SEM1: variants seen among roughly 807,000 people sequenced by gnomAD.
SEM1 encodes SEM1 26S proteasome subunit, also known as 26S proteasome complex subunit SEM1.
In SEM1, 3 loss-of-function variants were observed where a neutral mutation model predicts 12.7. The observed-to-expected ratio is 0.24, with a 90% confidence interval of 0.11 to 0.61. The LOEUF (loss-of-function observed/expected upper bound fraction) is 0.61, where lower values mean the gene tolerates loss of function less well. Among genes scored for constraint, SEM1 ranks in the 20% least tolerant of loss-of-function variants. The pLI is 0.88. For missense variants in SEM1, 59 were observed against 81.3 expected (o/e 0.73, Z 1.06); for synonymous variants, 30 against 27.8 (o/e 1.08, Z -0.25).
chr7:96,523,984 T>C (rs1804366316), intron 2 of SEM1, among the ~76,000 whole-genome samples: 1 of 152,192 alleles, frequency 6.6e-6, no homozygotes, highest in African/African-American at 2.4e-5. Context: ...GTTCACAATA[T>C]GCTTCACCTC....
intron 2 of SEM1, chr7:96,486,140 C>T: frequency 1.0e-5 from 13 of 1,266,192 alleles, no homozygotes; most frequent in Non-Finnish European, 1.4e-5. Context: ...GTGTCAAAGA[C>T]TTAGAGAGTT....
intron 2 of SEM1, among the ~76,000 whole-genome samples, chr7:96,508,841 A>G (rs1803837337): frequency 6.6e-6 from 1 of 152,166 alleles, no homozygotes; most frequent in African/African-American, 2.4e-5. Context: ...AGCCACATGG[A>G]AAATCTGGGA....
chr7:96,617,276 TCTATTC>T (rs1203998459), intron 2 of SEM1, among the ~76,000 whole-genome samples: 2 of 152,170 alleles, frequency 1.3e-5, no homozygotes, highest in Non-Finnish European at 2.9e-5. Flanking sequence ...CCTGGTTAAA[TCTATTC>T]CTAGGTATTT....
At chr7:96,536,931 T>C (rs1295414479) in intron 2 of SEM1, among the ~76,000 whole-genome samples, 6 of 151,820 alleles carry the variant, frequency 4.0e-5, no homozygotes, top group Non-Finnish European at 8.9e-5. Context: ...TTGGTACAGT[T>C]GGATTAATAT....
At chr7:96,682,299 G>A (rs1789638734) in intron 2 of SEM1, among the ~76,000 whole-genome samples, 1 of 151,954 alleles carries the variant, frequency 6.6e-6, no homozygotes, top group South Asian at 2.1e-4. Context: ...AGACAATGGG[G>A]TTTTCTAAAT....
At chr7:96,660,677 T>C (rs997763117) in intron 2 of SEM1, among the ~76,000 whole-genome samples, 2 of 152,132 alleles carry the variant, frequency 1.3e-5, no homozygotes, top group African/African-American at 4.8e-5. Flanking sequence ...AGTTTAAATA[T>C]AGTCCCAAAG....
intron 2 of SEM1, among the ~76,000 whole-genome samples, chr7:96,524,913 T>A (rs1163525187): frequency 6.6e-6 from 1 of 152,134 alleles, no homozygotes; most frequent in East Asian, 1.9e-4. Flanking sequence ...GAATGAAATA[T>A]CAGTTTTTCC....
At chr7:96,542,230 T>C (rs1001311660) in intron 2 of SEM1, among the ~76,000 whole-genome samples, 1 of 151,916 alleles carries the variant, frequency 6.6e-6, no homozygotes, top group African/African-American at 2.4e-5. Context: ...TTCCAGTCTA[T>C]GAGCATGGAA....
chr7:96,653,676 T>G (rs1809076404), intron 2 of SEM1: 1 of 152,230 alleles, frequency 6.6e-6, no homozygotes, highest in African/African-American at 2.4e-5. Flanking sequence ...TTCTCATTTA[T>G]TCCTCCCAAT....
At chr7:96,586,306 T>A (rs1000901771) in intron 2 of SEM1, among the ~76,000 whole-genome samples, 2 of 152,192 alleles carry the variant, frequency 1.3e-5, no homozygotes, top group African/African-American at 4.8e-5. Flanking sequence ...GGATTCTTCC[T>A]GCCTGAGCTC....
intron 2 of SEM1, among the ~76,000 whole-genome samples, chr7:96,679,560 T>C (rs1167283695): frequency 1.4e-4 from 22 of 152,122 alleles, no homozygotes; most frequent in Admixed American, 1.4e-3. Flanking sequence ...CAAAAAGCTA[T>C]GAAGATTTTT....
At chr7:96,698,855 T>A (rs1200452143) in intron 1 of SEM1, among the ~76,000 whole-genome samples, 1 of 152,232 alleles carries the variant, frequency 6.6e-6, no homozygotes, top group South Asian at 2.1e-4. Flanking sequence ...TCTTCCACAA[T>A]GGTTGAACTA....
chr7:96,708,930 T>A (rs531261906), intron 1 of SEM1, among the ~76,000 whole-genome samples: 1 of 142,706 alleles, frequency 7.0e-6, no homozygotes, highest in South Asian at 2.2e-4. Context: ...AACCAGGTCT[T>A]TAGTTTTGAA....
chr7:96,622,760 C>T (rs956466497), intron 2 of SEM1: 1 of 664,378 alleles, frequency 1.5e-6, no homozygotes, highest in African/African-American at 1.8e-5. Context: ...CACTTAATAC[C>T]ACTGTGCTAG....
At chr7:96,686,549 A>G (rs1789764880), downstream of SEM1, among the ~76,000 whole-genome samples, 1 of 152,168 alleles carries the variant, frequency 6.6e-6, no homozygotes, top group Admixed American at 6.6e-5. Flanking sequence ...GCACATCAAA[A>G]TACTTCTTAG....
intron 2 of SEM1, among the ~76,000 whole-genome samples, chr7:96,575,746 T>C (rs921352701): frequency 5.9e-5 from 9 of 152,176 alleles, no homozygotes; most frequent in African/African-American, 2.2e-4. Flanking sequence ...TTTGACTTTT[T>C]AATAATAGCC....
chr7:96,586,728 G>A (rs1246787595), intron 2 of SEM1, among the ~76,000 whole-genome samples: 3 of 152,132 alleles, frequency 2.0e-5, no homozygotes, highest in African/African-American at 7.2e-5. Flanking sequence ...AGAATGTTAT[G>A]TGTTTTACAG....
At chr7:96,624,344 C>T (rs187190100) in intron 2 of SEM1, among the ~76,000 whole-genome samples, 159 of 151,944 alleles carry the variant, frequency 1.0e-3, no homozygotes, top group African/African-American at 3.7e-3. Context: ...ATTTTCATAC[C>T]AAGCCAAGTT....
intron 3 of SEM1, among the ~76,000 whole-genome samples, chr7:96,506,444 T>G (rs1803756607): frequency 6.6e-6 from 1 of 152,168 alleles, no homozygotes; most frequent in Non-Finnish European, 1.5e-5. Context: ...TCTTGGTTAT[T>G]ATATATGTCA....
Sources: gnomAD v4.1 joint callset for allele counts (sites outside exome capture counted in the v4.1 genomes callset) on GRCh38, gnomAD v4.1.1 for gene constraint, MANE v1.5 for transcripts, NCBI Gene and HGNC (gene_info 2026-07-23, HGNC 2026-07-21) for gene names.